Variants in SGCG observed in about 807,000 individuals in gnomAD.
The protein encoded by SGCG is gamma-sarcoglycan.
Under a neutral mutation model 29.3 loss-of-function variants are expected in SGCG, and 26 were observed. The observed-to-expected ratio is 0.89, with a 90% CI of 0.65 to 1.23. The LOEUF (loss-of-function observed/expected upper bound fraction) is 1.23, where lower values mean the gene tolerates loss of function less well. SGCG is among the 50% of genes most tolerant of loss of function. The pLI is 0.00. For missense variants in SGCG, 353 were observed against 356.0 expected (o/e 0.99, Z 0.07); for synonymous variants, 145 against 129.7 (o/e 1.12, Z -0.80).
intron 4 of SGCG, among the ~76,000 whole-genome samples, chr13:23,252,418 A>G (rs1398830551): frequency 2.6e-5 from 4 of 152,158 alleles, no homozygotes; most frequent in East Asian, 1.9e-4. Context: ...GCGGCCGGGC[A>G]CGGTGGCTCA....
intron 1 of SGCG, among the ~76,000 whole-genome samples, chr13:23,203,050 A>C (rs4770410): frequency 0.37 from 56,365 of 151,704 alleles, 10,726 homozygotes; most frequent in East Asian, 0.47. Context: ...ACCTCCATCT[A>C]CTGGGTTCAA....
At chr13:23,180,309 G>A (rs1876686364), upstream of SGCG, among the ~76,000 whole-genome samples, 1 of 151,118 alleles carries the variant, frequency 6.6e-6, no homozygotes, top group Non-Finnish European at 1.5e-5. Flanking sequence ...ACAATTTAAG[G>A]TCACATTTGT....
chr13:23,252,029 A>T (rs1879988326), intron 4 of SGCG, among the ~76,000 whole-genome samples: 1 of 152,180 alleles, frequency 6.6e-6, no homozygotes, highest in African/African-American at 2.4e-5. Flanking sequence ...CTTGATCATA[A>T]CTTGTATCTC....
chr13:23,182,483 C>T (rs755475579), intron 1 of SGCG, among the ~76,000 whole-genome samples: 1 of 150,114 alleles, frequency 6.7e-6, no homozygotes, highest in African/African-American at 2.4e-5. Context: ...CCCCTTCTCT[C>T]AGCCTCTATA....
At chr13:23,225,765 T>C (rs1317781985) in intron 2 of SGCG, among the ~76,000 whole-genome samples, 1 of 129,456 alleles carries the variant, frequency 7.7e-6, no homozygotes, top group Non-Finnish European at 1.6e-5. Context: ...CCAGGCCCTC[T>C]GAGAGGACAT....
chr13:23,297,300 C>A (rs1881944502), intron 6 of SGCG, among the ~76,000 whole-genome samples: 1 of 151,706 alleles, frequency 6.6e-6, no homozygotes, highest in Non-Finnish European at 1.5e-5. Context: ...AGACCCTAAC[C>A]CAGCAGTGTT....
chr13:23,305,837 C>T (rs1427145143), intron 6 of SGCG, among the ~76,000 whole-genome samples: 1 of 152,024 alleles, frequency 6.6e-6, no homozygotes, highest in Non-Finnish European at 1.5e-5. Flanking sequence ...AGAATAAATC[C>T]TACTTTGGCC....
At chr13:23,290,611 G>A (rs560482963) in intron 5 of SGCG, among the ~76,000 whole-genome samples, 1 of 152,252 alleles carries the variant, frequency 6.6e-6, no homozygotes, top group Non-Finnish European at 1.5e-5. Context: ...AGGACGGGAG[G>A]CAGTAGAGGC....
intron 6 of SGCG, among the ~76,000 whole-genome samples, chr13:23,317,194 C>CA (rs59885682): frequency 0.24 from 34,934 of 147,274 alleles, 4,615 homozygotes; most frequent in South Asian, 0.36. Context: ...GACTCCGTCT[C>CA]AAAAAAAAAA....
Position 23,228,034 on chromosome 13 carries a change from C to A in SGCG, c.196-6577C>A, listed in dbSNP as rs565092988. On this transcript the variant is annotated intron_variant, in intron 2 of 7. Coordinates refer to ENST00000218867, the MANE Select transcript of SGCG (RefSeq NM_000231.3). ...CCATGTTGCCCAGGCTGGTCTTCAA[C>A]TCCTGGGCTGAAGCTGTCCGCCCAC... Among the ~76,000 whole-genome samples the A allele has an allele frequency of 3.9e-4, 59 of 152,104 alleles. 1 individual carries two copies. The South Asian group carries it at 0.011, about 28-fold the overall frequency.
rs376136065 is a variant in SGCG, at chr13:23,285,312, G to A, written c.505+5834G>A. 2.6e-5 allele frequency among the ~76,000 whole-genome samples: 4 copies of A among 152,232 alleles called. No individual in the cohort carries two copies. In the East Asian group the frequency reaches 5.8e-4, roughly 22 times the overall value. ...CTTTCAGAGATGCCCTGCCCAGAGAGGAGGAATCTAGAGAGGCTGTCTGGC... is the reference window on the plus strand; with the variant it reads ...CTTTCAGAGATGCCCTGCCCAGAGAAGAGGAATCTAGAGAGGCTGTCTGGC... On this transcript the variant is annotated intron_variant, in intron 5 of 7. Coordinates refer to ENST00000218867, the MANE Select transcript of SGCG (RefSeq NM_000231.3).
At chr13:23,299,407 C>CATGTATGTAT (rs1161342960) in intron 6 of SGCG, among the ~76,000 whole-genome samples, 1 of 23,924 alleles carries the variant, frequency 4.2e-5, no homozygotes, top group Non-Finnish European at 6.8e-5. Flanking sequence ...TCTTAGTTGG[C>CATGTATGTAT]ATATATATAT....
At chr13:23,247,514 C>T (rs1451112152) in intron 3 of SGCG, among the ~76,000 whole-genome samples, 22 of 152,040 alleles carry the variant, frequency 1.4e-4, no homozygotes, top group Admixed American at 1.4e-3. Flanking sequence ...AATCTAAATC[C>T]CTGTCCTCTG....
chr13:23,266,709 GTAAA>G (rs1408237599), intron 4 of SGCG, among the ~76,000 whole-genome samples: 2 of 152,110 alleles, frequency 1.3e-5, no homozygotes, highest in African/African-American at 4.8e-5. Context: ...TAAAAGAATA[GTAAA>G]TAAATAAATT....
At chr13:23,166,945 T>C in the SGCG span, among the ~76,000 whole-genome samples, 1 of 152,180 alleles carries the variant, frequency 6.6e-6, no homozygotes, top group African/African-American at 2.4e-5. Context: ...TTTTAAAGTG[T>C]AAAATTAAAT....
At chr13:23,319,272 C>A (rs1440881372) in intron 6 of SGCG, among the ~76,000 whole-genome samples, 1 of 151,034 alleles carries the variant, frequency 6.6e-6, no homozygotes, top group African/African-American at 2.4e-5. Flanking sequence ...TATTCTCTAG[C>A]CTGGGTGACA....
At chr13:23,166,294 C>G in the SGCG span, among the ~76,000 whole-genome samples, 20 of 152,266 alleles carry the variant, frequency 1.3e-4, no homozygotes, top group Middle Eastern at 6.8e-3. Context: ...CTCCCGAGTT[C>G]AAGTGGTTCT....
In SGCG at chr13:23,234,632, G is replaced by A. The variant is rs763619480; in HGVS notation, c.217G>A (p.Val73Ile). 3.1e-6 allele frequency: 5 copies of A among 1,610,974 alleles called. 1 individual carries two copies. The African/African-American group carries it at 4.0e-5, about 13-fold the overall frequency. The change falls in exon 3 of 8, where the codon GTA (valine) becomes ATA (isoleucine). Residue 73 changes from valine (V) to isoleucine (I), a missense_variant. By Grantham distance (29) the Val-to-Ile change is conservative (BLOSUM62 3). Coordinates refer to ENST00000218867, the MANE Select transcript of SGCG (RefSeq NM_000231.3). Reference protein sequence around the residue: ...FSPAGMGHLCVTKDGLRLEGE... With the variant: ...FSPAGMGHLCITKDGLRLEGE... ...ACAGGCAGGAATGGGCCACTTGTGT[G>A]TAACAAAAGATGGACTGCGCTTGGA...
chr13:23,178,440 G>T (rs763572078), upstream of SGCG, among the ~76,000 whole-genome samples: 6 of 152,204 alleles, frequency 3.9e-5, no homozygotes, highest in Non-Finnish European at 8.8e-5. Flanking sequence ...TGTATTGGAG[G>T]AATTGTGGGG....
Sources: gnomAD v4.1 joint callset for allele counts (sites outside exome capture counted in the v4.1 genomes callset) on GRCh38, gnomAD v4.1.1 for gene constraint, MANE v1.5 for transcripts, NCBI Gene and HGNC (gene_info 2026-07-23, HGNC 2026-07-21) for gene names.